Variants in SBK1 observed in about 807,000 individuals in gnomAD.
SBK1 encodes SH3 domain binding kinase 1, also known as serine/threonine-protein kinase SBK1.
A neutral mutation model predicts 24.4 loss-of-function variants in SBK1; 11 were observed. The ratio of observed to expected loss-of-function variants is 0.45; its 90% CI spans 0.28 to 0.75. The LOEUF is 0.75. Among genes scored for constraint, SBK1 ranks in the 30% least tolerant of loss-of-function variants. The probability of loss-of-function intolerance (pLI) is 0.12; values close to 1 mark genes in which losing one functional copy is unlikely to be tolerated. For synonymous variants in SBK1, 308 were observed against 284.4 expected (o/e 1.08, Z -0.83); for missense variants, 467 against 620.5 (o/e 0.75, Z 2.63).
At chr16:28,309,844 GTGTC>G (rs1944319419) in intron 1 of SBK1, among the ~76,000 whole-genome samples, 1 of 152,222 alleles carries the variant, frequency 6.6e-6, no homozygotes, top group Admixed American at 6.5e-5. Context: ...GTATACACGT[GTGTC>G]TGTGTGTGTG....
rs565799904 is a variant in SBK1 at position 28,318,868 on chromosome 16, G to A, written c.227-127G>A. The stretch of plus-strand genomic sequence containing the variant: ...CCTCTCTCTGGGTCTGTTCCCATCC[G>A]TGAGATGAGGACAGTCATGCCTGCT... On this transcript the variant is annotated intron_variant, in intron 2 of 3. Transcript: ENST00000341901. 29 of 754,512 alleles carry A rather than the reference G, an allele frequency of 3.8e-5. No individual in the cohort carries two copies. In the Admixed American group the frequency reaches 4.8e-4, roughly 12 times the overall value. 46.7% of individuals were successfully genotyped at this position (754,512 alleles called of 1,614,324 possible).
chr16:28,279,007 C>T (rs1035108803), intron 1 of SBK1, among the ~76,000 whole-genome samples: 5 of 152,174 alleles, frequency 3.3e-5, no homozygotes, highest in African/African-American at 1.2e-4. Context: ...GGGTGGATCA[C>T]TTGAGGTCAG....
At chr16:28,261,745 A>G (rs1390608324) in intron 1 of SBK1, among the ~76,000 whole-genome samples, 2 of 152,214 alleles carry the variant, frequency 1.3e-5, no homozygotes, top group Non-Finnish European at 2.9e-5. Flanking sequence ...ATGGATGTGT[A>G]ATGTTGATCA....
chr16:28,259,834 C>T lies in SBK1; in HGVS notation c.257+332C>T, dbSNP rs541172712. Among the ~76,000 whole-genome samples the T allele has an allele frequency of 1.3e-5, 2 of 152,050 alleles. No homozygotes were observed. Among genetic ancestry groups the T allele is most frequent in the East Asian group, 3.9e-4 (2 of 5,152 alleles). Reference sequence around the variant, plus strand: ...CATTCAAGGCCTGCGTGATTGGGGCCGACACTCCCCACCTCATCTCACTCT... The same window carrying T: ...CATTCAAGGCCTGCGTGATTGGGGCTGACACTCCCCACCTCATCTCACTCT... On this transcript the variant is annotated intron_variant, in intron 1 of 3. Coordinates refer to the SBK1 transcript ENST00000671413. This position sits in a 1 kb window ranked among gnomAD's most constrained non-coding sequence, Gnocchi z 6.0.
chr16:28,273,608 T>G (rs960589991), intron 1 of SBK1, among the ~76,000 whole-genome samples: 1 of 152,054 alleles, frequency 6.6e-6, no homozygotes, highest in Non-Finnish European at 1.5e-5. Context: ...GTCCATTTCA[T>G]TTTTTTGTAG....
At chr16:28,312,479 C>A (rs775025515) in intron 1 of SBK1, among the ~76,000 whole-genome samples, 1 of 152,174 alleles carries the variant, frequency 6.6e-6, no homozygotes, top group Non-Finnish European at 1.5e-5. Flanking sequence ...TGCTGTCCAG[C>A]CCAGAGCTGG....
At chr16:28,309,890 T>C (rs773044987) in intron 1 of SBK1, among the ~76,000 whole-genome samples, 2 of 152,182 alleles carry the variant, frequency 1.3e-5, no homozygotes, top group Non-Finnish European at 1.5e-5. Context: ...GTGTGGATGC[T>C]TGTGCATCCG....
intron 1 of SBK1, among the ~76,000 whole-genome samples, chr16:28,301,927 A>G (rs1016805034): frequency 3.9e-5 from 6 of 152,202 alleles, no homozygotes; most frequent in Admixed American, 3.9e-4. Context: ...AAGGGAAGAC[A>G]AGGAGGGGAT....
At chr16:28,262,510 G>A (rs1219279712) in intron 1 of SBK1, among the ~76,000 whole-genome samples, 1 of 152,200 alleles carries the variant, frequency 6.6e-6, no homozygotes, top group African/African-American at 2.4e-5. Flanking sequence ...AGGCTCCCTG[G>A]GGACTGGATG....
At position 28,271,546 on chromosome 16, in the gene SBK1, G is replaced by A. The variant is rs755041404; in HGVS notation, c.257+12044G>A. Among the ~76,000 whole-genome samples, 8 of 152,034 alleles carry A rather than the reference G, an allele frequency of 5.3e-5. No individual in the cohort carries two copies. In the South Asian group the frequency reaches 6.2e-4, roughly 12 times the overall value. ...CACTCCAGGCTGGGTGACAGAATGC[G>A]ACTCCGTCCCCCCACCCCCAAAAAA... is the stretch of plus-strand genomic sequence containing the variant. On this transcript the variant is annotated intron_variant, in intron 1 of 3. Coordinates refer to the SBK1 transcript ENST00000671413.
intron 1 of SBK1, among the ~76,000 whole-genome samples, chr16:28,309,999 G>A (rs767770716): frequency 2.0e-5 from 3 of 152,308 alleles, no homozygotes; most frequent in East Asian, 1.9e-4. Flanking sequence ...AACGCTTGCC[G>A]ACCGCCAGCA....
chr16:28,260,084 T>TTGTGTGTGTGTGTGTGTGTGTGTGTG (rs71140958), intron 1 of SBK1, among the ~76,000 whole-genome samples: 2 of 149,940 alleles, frequency 1.3e-5, no homozygotes, highest in Middle Eastern at 6.8e-3. Flanking sequence ...GTGTATTTGC[T>TTGTGTGTGTGTGTGTGTGTGTGTGTG]TGTGTGTGTG....
chr16:28,317,468 G>C lies in SBK1; in HGVS notation c.77G>C (p.Gly26Ala). ...GGGCCGGGGACTGCCCCTGGGCCTGGTGCCGGTGTGCCCCTTCTCACTGAA... is the reference window on the plus strand; with the variant it reads ...GGGCCGGGGACTGCCCCTGGGCCTGCTGCCGGTGTGCCCCTTCTCACTGAA... ...CCGPGTAPGP[G>A]AGVPLLTEDM... The change falls in exon 2 of 4, where the codon GGT becomes GCT. Residue 26 changes from glycine to alanine, a missense_variant. Physicochemically the swap from Gly to Ala is moderately conservative, Grantham distance 60. Transcript: ENST00000341901. This position sits in a 1 kb window ranked among gnomAD's most constrained non-coding sequence, Gnocchi z 4.2. 6.2e-7 allele frequency: 1 copy of C among 1,614,192 alleles called. No individual in the cohort carries two copies. Among genetic ancestry groups the C allele is most frequent in the Non-Finnish European group, 8.5e-7 (1 of 1,180,032 alleles).
At chr16:28,287,587 C>T (rs889698178), upstream of SBK1, among the ~76,000 whole-genome samples, 20 of 152,166 alleles carry the variant, frequency 1.3e-4, no homozygotes, top group Non-Finnish European at 2.6e-4. Context: ...TGGCTTATCC[C>T]TAGGCGTCAG....
chr16:28,287,513 C>T (rs1377574490), intron 1 of SBK1, among the ~76,000 whole-genome samples: 5 of 151,844 alleles, frequency 3.3e-5, no homozygotes, highest in African/African-American at 9.7e-5. Flanking sequence ...CTTTGTGTTC[C>T]GCTATCCAAA....
intron 2 of SBK1, 145 bp from the exon 3 acceptor site, chr16:28,318,850 C>T (rs2044816827): frequency 5.6e-6 from 4 of 713,214 alleles, no homozygotes; most frequent in Non-Finnish European, 7.6e-6. Flanking sequence ...TTTCCTCTCT[C>T]TGGGTCTGTT....
In SBK1 at chr16:28,261,428, T is replaced by TACACACACAC. The variant is rs35296302; in HGVS notation, c.257+1968_257+1977dup. Among the ~76,000 whole-genome samples, 220 of 124,662 alleles carry TACACACACAC rather than the reference T, an allele frequency of 1.8e-3. 1 individual carries two copies. The highest frequency in any genetic ancestry group is 4.7e-3 in the South Asian group (17 of 3,604). The allele number at this position is 124,662 out of a possible 152,430, so 81.8% of individuals were successfully genotyped here. A position where few individuals can be genotyped will look rare whatever the true frequency, so the allele number is the denominator to read the frequency against. On this transcript the variant is annotated intron_variant, in intron 1 of 3. Transcript: ENST00000671413. ...TAGGCAACACAGTGAGACTCCCGTC[T>TACACACACAC]ACACACACACACACACACACACACA...
In SBK1 at chr16:28,266,547, A is replaced by G. The variant is rs1271782834; in HGVS notation, c.257+7045A>G. Among the ~76,000 whole-genome samples the G allele has an allele frequency of 2.0e-5, 3 of 152,130 alleles. No homozygotes were observed. The East Asian group carries it at 5.8e-4, about 29-fold the overall frequency. On this transcript the variant is annotated intron_variant, in intron 1 of 3. Coordinates refer to the SBK1 transcript ENST00000671413. ...CACAGATCTCACTGAGCTGAAATCA[A>G]AGTGTTGACAGGACGGCTCTAGGAA...
chr16:28,274,777 G>A (rs536760491), intron 1 of SBK1, among the ~76,000 whole-genome samples: 2 of 152,166 alleles, frequency 1.3e-5, no homozygotes, highest in South Asian at 2.1e-4. Flanking sequence ...TGTAAATAAC[G>A]TTTCCACAAT....
Sources: gnomAD v4.1 joint callset for allele counts (sites outside exome capture counted in the v4.1 genomes callset) on GRCh38, gnomAD v4.1.1 for gene constraint, Gnocchi (gnomAD v3.1) non-coding constraint, MANE v1.5 for transcripts, NCBI Gene and HGNC (gene_info 2026-07-23, HGNC 2026-07-21) for gene names.